Variants in LRRC7 observed in about 807,000 individuals in gnomAD.
The protein encoded by LRRC7 is leucine rich repeat containing 7.
Under a neutral mutation model 175.7 loss-of-function variants are expected in LRRC7, and 23 were observed. The ratio of observed to expected loss-of-function variants is 0.13; its 90% CI spans 0.09 to 0.19. LRRC7 has a LOEUF of 0.19. LRRC7 is among the 10% of genes least tolerant of loss of function. The pLI is 1.00. For missense variants in LRRC7, 1,354 were observed against 1,904.7 expected, an observed-to-expected ratio of 0.71 and a Z score of 5.38; for synonymous variants, 685 against 680.9, an observed-to-expected ratio of 1.01 and a Z score of -0.09.
intron 1 of LRRC7, among the ~76,000 whole-genome samples, chr1:69,593,275 T>C (rs1233221713): frequency 2.0e-5 from 3 of 152,018 alleles, no homozygotes; most frequent in Non-Finnish European, 4.4e-5. Flanking sequence ...TCGTGAAAAA[T>C]AAAGTAAGGT....
At chr1:69,682,367 T>A (rs1660597285) in intron 2 of LRRC7, among the ~76,000 whole-genome samples, 2 of 152,028 alleles carry the variant, frequency 1.3e-5, no homozygotes, top group South Asian at 4.1e-4. Context: ...GGAGAGGGGA[T>A]TATACAGGGT....
intron 3 of LRRC7, among the ~76,000 whole-genome samples, chr1:69,771,947 C>A (rs1484389695): frequency 6.6e-6 from 1 of 151,944 alleles, no homozygotes; most frequent in African/African-American, 2.4e-5. Context: ...ATGATGAAAC[C>A]CCATCTCTCC....
chr1:69,775,786 T>A (rs1169599296), intron 3 of LRRC7, among the ~76,000 whole-genome samples: 1 of 152,162 alleles, frequency 6.6e-6, no homozygotes, highest in Non-Finnish European at 1.5e-5. Flanking sequence ...ATTGTGAAGA[T>A]TAAAAATCAT....
At chr1:69,899,673 C>T (rs1185307706) in intron 7 of LRRC7, among the ~76,000 whole-genome samples, 7 of 152,154 alleles carry the variant, frequency 4.6e-5, no homozygotes, top group Non-Finnish European at 8.8e-5. Context: ...TGTGGCCCCT[C>T]CAAAATTCAG....
chr1:69,930,575 G>C (rs1336109849), intron 7 of LRRC7, among the ~76,000 whole-genome samples: 1 of 152,166 alleles, frequency 6.6e-6, no homozygotes, highest in Admixed American at 6.5e-5. Flanking sequence ...GACTGCATAT[G>C]GAGTGCACTT....
At chr1:69,819,792 T>C (rs1679053582) in intron 4 of LRRC7, among the ~76,000 whole-genome samples, 1 of 152,198 alleles carries the variant, frequency 6.6e-6, no homozygotes, top group South Asian at 2.1e-4. Context: ...TTTATCATTA[T>C]ATAATTACCC....
At chr1:69,927,823 C>T (rs1647135604) in intron 7 of LRRC7, among the ~76,000 whole-genome samples, 1 of 152,200 alleles carries the variant, frequency 6.6e-6, no homozygotes, top group African/African-American at 2.4e-5. Flanking sequence ...AAGTCATACG[C>T]CGTCCAGCTT....
Position 70,023,167 on chromosome 1 carries a change from G to T in LRRC7, c.1587G>T (p.Gly529=). The T allele has an allele frequency of 6.6e-7, 1 of 1,512,586 alleles. No homozygotes were observed. Among genetic ancestry groups the T allele is most frequent in the South Asian group, 1.3e-5 (1 of 74,600 alleles). The allele number at this position is 1,512,586 out of a possible 1,614,324, so 93.7% of individuals were successfully genotyped here. A position where few individuals can be genotyped will look rare whatever the true frequency, so the allele number is the denominator to read the frequency against. The change falls in exon 17 of 27, where the codon GGG becomes GGT. Residue 529 remains glycine (G), a synonymous_variant. Coordinates refer to ENST00000651989, the MANE Select transcript of LRRC7 (RefSeq NM_001370785.2). ...CQAPWERGQR[G]ITLQPARLSG... ...CCCCCTGGGAAAGGGGCCAGCGTGGGATTACTCTCCAACCTGCCAGACTGT... is the reference window on the plus strand; with the variant it reads ...CCCCCTGGGAAAGGGGCCAGCGTGGTATTACTCTCCAACCTGCCAGACTGT...
chr1:70,114,811 C>G (rs947779478), intron 26 of LRRC7, among the ~76,000 whole-genome samples: 2 of 152,102 alleles, frequency 1.3e-5, no homozygotes, highest in African/African-American at 4.8e-5. Context: ...TGAGGAAATG[C>G]TTTTTGAAAA....
intron 11 of LRRC7, among the ~76,000 whole-genome samples, chr1:70,002,907 G>A (rs1026468825): frequency 1.3e-5 from 2 of 152,056 alleles, no homozygotes; most frequent in Admixed American, 1.3e-4. Context: ...TGAAATATCT[G>A]GTTCTAAAAA....
At chr1:69,928,796 C>T (rs1396424580) in intron 7 of LRRC7, among the ~76,000 whole-genome samples, 1 of 152,224 alleles carries the variant, frequency 6.6e-6, no homozygotes, top group African/African-American at 2.4e-5. Context: ...TCGGCTCGTG[C>T]ACAGTGCGCT....
Position 70,036,498 on chromosome 1 carries a change from C to G in LRRC7, c.2162C>G (p.Ser721Cys). ...ACTCACTGTCTGAATAACAGTGTTT[C>G]CTCAGGCACTTACTCAGACTACTCG... ...DKTHCLNNSV[S>C]SGTYSDYSPS... The change falls in exon 20 of 27, where the codon TCC becomes TGC. Residue 721 changes from serine (S) to cysteine (C), a missense_variant. This residue lies in a region of LRRC7 where 1,032 missense variants were observed against 1,227.2 expected (regional missense o/e 0.84). Transcript: ENST00000651989. 1 of 1,613,944 alleles carries G rather than the reference C, an allele frequency of 6.2e-7. No individual in the cohort carries two copies. Among genetic ancestry groups the G allele is most frequent in the Non-Finnish European group, 8.5e-7 (1 of 1,179,898 alleles).
intron 21 of LRRC7, among the ~76,000 whole-genome samples, chr1:70,040,233 A>G (rs145928590): frequency 6.6e-6 from 1 of 152,332 alleles, no homozygotes; most frequent in African/African-American, 2.4e-5. Flanking sequence ...TAATTTGTTT[A>G]TAAAATTTGC....
intron 2 of LRRC7, among the ~76,000 whole-genome samples, chr1:69,680,117 A>C (rs552559702): frequency 6.6e-6 from 1 of 152,182 alleles, no homozygotes; most frequent in African/African-American, 2.4e-5. Context: ...GGCTAAGAGC[A>C]GCAGCAGCAG....
chr1:69,825,829 G>A lies in LRRC7; in HGVS notation c.500+3G>A. 6.4e-7 allele frequency: 1 copy of A among 1,553,766 alleles called. No homozygotes were observed. Among genetic ancestry groups the A allele is most frequent in the Non-Finnish European group, 8.8e-7 (1 of 1,135,906 alleles). ...GCCAGTGTCAATCCCATTTCTAAGT[G>A]AGTATGAGTGATTAAATTTTATTTG... On this transcript the variant is annotated splice_donor_region_variant and intron_variant, in intron 5 of 26. Transcript: ENST00000651989.
intron 7 of LRRC7, among the ~76,000 whole-genome samples, chr1:69,861,792 C>A (rs1267100709): frequency 2.0e-5 from 3 of 152,118 alleles, no homozygotes; most frequent in African/African-American, 7.2e-5. Flanking sequence ...TTGCTTTATG[C>A]CTTATACCCC....
chr1:69,877,248 T>C (rs1041532299), intron 7 of LRRC7, among the ~76,000 whole-genome samples: 1 of 152,152 alleles, frequency 6.6e-6, no homozygotes, highest in Non-Finnish European at 1.5e-5. Context: ...TGGGATAACA[T>C]TGGCTAAGTA....
intron 1 of LRRC7, among the ~76,000 whole-genome samples, chr1:69,612,783 A>G (rs1165988861): frequency 6.6e-6 from 1 of 151,760 alleles, no homozygotes; most frequent in Non-Finnish European, 1.5e-5. Context: ...AGTCGTTTTT[A>G]CAATTCTATA....
chr1:69,910,942 G>T (rs943125311), intron 7 of LRRC7, among the ~76,000 whole-genome samples: 5 of 152,208 alleles, frequency 3.3e-5, no homozygotes, highest in Non-Finnish European at 7.3e-5. Context: ...CTTGCAGTTT[G>T]ATCTCAGACT....
Sources: gnomAD v4.1 joint callset for allele counts (sites outside exome capture counted in the v4.1 genomes callset) on GRCh38, gnomAD v4.1.1 for gene constraint, gnomAD v4.1.1 regional missense constraint, MANE v1.5 for transcripts, NCBI Gene and HGNC (gene_info 2026-07-23, HGNC 2026-07-21) for gene names.